Variants in CFAP161 observed in about 807,000 individuals in gnomAD.
The protein encoded by CFAP161 is cilia- and flagella-associated protein 161.
A neutral mutation model predicts 29.0 loss-of-function variants in CFAP161; 25 were observed. That is an observed-to-expected ratio of 0.86 (90% CI 0.63 to 1.20). The LOEUF is 1.20. Among genes scored for constraint, CFAP161 ranks in the 50% most tolerant of loss-of-function variants. The probability of loss-of-function intolerance (pLI) is 0.00; values close to 1 mark genes in which losing one functional copy is unlikely to be tolerated. For missense variants in CFAP161, 367 were observed against 371.9 expected (o/e 0.99, Z 0.11); for synonymous variants, 116 against 137.4 (o/e 0.84, Z 1.09).
chr15:81,114,545 CAGAG>C (rs1199153608), intron 1 of CFAP161, among the ~76,000 whole-genome samples: 3 of 152,146 alleles, frequency 2.0e-5, no homozygotes, highest in Non-Finnish European at 4.4e-5. Flanking sequence ...TCTAAACAAA[CAGAG>C]AGAGGCTCTC....
intron 3 of CFAP161, among the ~76,000 whole-genome samples, chr15:81,137,808 G>A (rs1015508931): frequency 2.0e-5 from 3 of 152,140 alleles, no homozygotes; most frequent in Non-Finnish European, 2.9e-5. Flanking sequence ...TCTAACCAGA[G>A]GCTCACAAAG....
intron 2 of CFAP161, among the ~76,000 whole-genome samples, chr15:81,135,931 C>A (rs1168090197): frequency 2.6e-5 from 4 of 152,032 alleles, no homozygotes. Flanking sequence ...TGGGTATATA[C>A]CCAAAGGATT....
chr15:81,138,752 C>T (rs984346117), intron 4 of CFAP161, among the ~76,000 whole-genome samples: 1 of 152,044 alleles, frequency 6.6e-6, no homozygotes, highest in Non-Finnish European at 1.5e-5. Context: ...TACTACATGC[C>T]AGGCAGTGTT....
intron 1 of CFAP161, among the ~76,000 whole-genome samples, chr15:81,120,866 CTAAT>C (rs748542455): frequency 6.6e-6 from 1 of 152,164 alleles, no homozygotes; most frequent in Non-Finnish European, 1.5e-5. Flanking sequence ...ACTAGATAAA[CTAAT>C]TAGATATCTG....
intron 1 of CFAP161, among the ~76,000 whole-genome samples, chr15:81,114,915 G>A (rs1433375883): frequency 6.6e-6 from 1 of 151,944 alleles, no homozygotes; most frequent in African/African-American, 2.4e-5. Context: ...CGCCCACCTC[G>A]GCCTCCCAAA....
At chr15:81,100,321 A>G (rs1029259103) in intron 1 of CFAP161, among the ~76,000 whole-genome samples, 1 of 148,694 alleles carries the variant, frequency 6.7e-6, no homozygotes, top group Non-Finnish European at 1.5e-5. Flanking sequence ...ACAGTCTTCT[A>G]TTATAGAGTT....
intron 1 of CFAP161, among the ~76,000 whole-genome samples, chr15:81,110,823 A>G (rs374748163): frequency 3.3e-4 from 51 of 152,282 alleles, no homozygotes; most frequent in African/African-American, 1.2e-3. Flanking sequence ...GTTCCTGGGG[A>G]CGAATGCTGG....
intron 1 of CFAP161, among the ~76,000 whole-genome samples, chr15:81,105,118 CCCA>C (rs1894348369): frequency 2.0e-5 from 1 of 50,744 alleles, no homozygotes; most frequent in African/African-American, 8.5e-5. Flanking sequence ...TCCTTTCTCC[CCCA>C]TACCTTTCTC....
At chr15:81,138,454 C>T (rs1894850094) in intron 4 of CFAP161, among the ~76,000 whole-genome samples, 1 of 152,196 alleles carries the variant, frequency 6.6e-6, no homozygotes, top group Non-Finnish European at 1.5e-5. Flanking sequence ...CATTAATAAC[C>T]ATCTGATACC....
chr15:81,133,221 A>ATATG (rs1555449896), upstream of CFAP161, among the ~76,000 whole-genome samples: 93 of 32,486 alleles, frequency 2.9e-3, 1 homozygote, highest in Non-Finnish European at 4.0e-3. Flanking sequence ...ATATATATAT[A>ATATG]TATGTATTTT....
At position 81,143,735 on chromosome 15, in the gene CFAP161, C is replaced by T. The variant is rs762137413; in HGVS notation, c.551C>T (p.Thr184Ile). ...KRSWLQEVYL[T>I]DEVSHVNCWQ... ...TCTTGGCTCCAGGAAGTGTACCTAA[C>T]AGATGAGGTCTCCCATGTGAACTGC... is the stretch of plus-strand genomic sequence containing the variant. The change falls in exon 5 of 7, where the codon ACA becomes ATA. Residue 184 changes from threonine (T) to isoleucine (I), a missense_variant. Physicochemically the swap from Thr to Ile is moderately conservative, Grantham distance 89. Transcript: ENST00000286732. 25 of 1,614,154 alleles carry T rather than the reference C, an allele frequency of 1.5e-5. No homozygotes were observed. Among genetic ancestry groups the T allele is most frequent in the South Asian group, 7.7e-5 (7 of 91,070 alleles).
intron 1 of CFAP161, among the ~76,000 whole-genome samples, chr15:81,103,039 G>T (rs1024923495): frequency 6.6e-6 from 1 of 151,042 alleles, no homozygotes; most frequent in Non-Finnish European, 1.5e-5. Flanking sequence ...AAGGGCAGCC[G>T]CTGGAGAAAG....
chr15:81,147,355 A>G (rs1895026536), intron 5 of CFAP161, among the ~76,000 whole-genome samples: 1 of 152,076 alleles, frequency 6.6e-6, no homozygotes, highest in South Asian at 2.1e-4. Context: ...AAAAGCATGG[A>G]CCACCGATTT....
chr15:81,130,614 C>T (rs1040587460), upstream of CFAP161, among the ~76,000 whole-genome samples: 1 of 152,128 alleles, frequency 6.6e-6, no homozygotes, highest in African/African-American at 2.4e-5. Flanking sequence ...GCAGGAGAAT[C>T]GCTTGAACCT....
intron 1 of CFAP161, among the ~76,000 whole-genome samples, chr15:81,105,326 CCTT>C (rs150529255): frequency 0.079 from 9,386 of 119,364 alleles, 414 homozygotes; most frequent in East Asian, 0.14. Flanking sequence ...TCTTTCCTTT[CCTT>C]CTTCTTTTCT....
chr15:81,125,144 C>T (rs1472018383), intron 1 of CFAP161, among the ~76,000 whole-genome samples: 1 of 151,564 alleles, frequency 6.6e-6, no homozygotes, highest in Non-Finnish European at 1.5e-5. Context: ...CATTTATAAG[C>T]ATTTATTTGA....
chr15:81,106,650 C>T (rs1403458496), intron 1 of CFAP161, among the ~76,000 whole-genome samples: 3 of 152,200 alleles, frequency 2.0e-5, no homozygotes, highest in Non-Finnish European at 4.4e-5. Flanking sequence ...GAAGCTGTAC[C>T]CACGAATTGC....
At chr15:81,135,928 A>G (rs1434949455) in intron 2 of CFAP161, among the ~76,000 whole-genome samples, 1 of 152,196 alleles carries the variant, frequency 6.6e-6, no homozygotes, top group Non-Finnish European at 1.5e-5. Context: ...TACTGGGTAT[A>G]TACCCAAAGG....
chr15:81,147,386 T>G (rs1895027250), intron 5 of CFAP161, among the ~76,000 whole-genome samples: 2 of 152,164 alleles, frequency 1.3e-5, no homozygotes, highest in Admixed American at 6.5e-5. Context: ...CCTGTGTTCT[T>G]TTTGGTGGAC....
Sources: allele counts gnomAD v4.1 joint callset (sites outside exome capture counted in the v4.1 genomes callset), GRCh38; gene constraint gnomAD v4.1.1; transcripts MANE v1.5; gene names NCBI Gene and HGNC (gene_info 2026-07-23, HGNC 2026-07-21).